The following DLGAP2 variants were observed in gnomAD, a reference collection of about 807,000 sequenced individuals.
DLGAP2 encodes DLG associated protein 2.
A neutral mutation model predicts 100.3 loss-of-function variants in DLGAP2; 26 were observed. That is an observed-to-expected ratio of 0.26 (90% CI 0.19 to 0.36). DLGAP2 has a LOEUF of 0.36. DLGAP2 is among the 10% of genes least tolerant of loss of function. The pLI, the probability that DLGAP2 is intolerant of heterozygous loss-of-function variation, is 1.00. For missense variants in DLGAP2, 1,858 were observed against 1,453.2 expected (o/e 1.28, Z -4.53); for synonymous variants, 886 against 630.1 (o/e 1.41, Z -6.08).
chr8:1,361,929 AGGTCTCCTGGGAAGAGGT>A (rs1563105667), intron 3 of DLGAP2, among the ~76,000 whole-genome samples: 1 of 152,178 alleles, frequency 6.6e-6, no homozygotes, highest in African/African-American at 2.4e-5. Context: ...CCAGCCTGGC[AGGTCTCCTGGGAAGAGGT>A]GGACACCTCC....
chr8:973,328 C>G (rs985979974), intron 2 of DLGAP2, among the ~76,000 whole-genome samples: 2 of 151,770 alleles, frequency 1.3e-5, no homozygotes, highest in Non-Finnish European at 2.9e-5. Context: ...GGGCGGCTGC[C>G]GGGCGGAGAC....
chr8:985,248 C>T (rs1304831150), intron 2 of DLGAP2, among the ~76,000 whole-genome samples: 1 of 152,206 alleles, frequency 6.6e-6, no homozygotes, highest in African/African-American at 2.4e-5. Context: ...CTCAGCTCTC[C>T]ACACCCACTG....
chr8:1,138,257 G>C (rs532978551), intron 2 of DLGAP2, among the ~76,000 whole-genome samples: 3 of 152,174 alleles, frequency 2.0e-5, no homozygotes, highest in Admixed American at 6.5e-5. Flanking sequence ...TCTAAGCATC[G>C]CAGGAGCCTA....
chr8:1,084,489 C>G (rs1803910057), intron 2 of DLGAP2, among the ~76,000 whole-genome samples: 1 of 152,296 alleles, frequency 6.6e-6, no homozygotes, highest in South Asian at 2.1e-4. Context: ...CAGACTTGCC[C>G]TCCTGTCCGA....
chr8:1,369,941 G>A (rs1490943634), intron 3 of DLGAP2: 2 of 152,388 alleles, frequency 1.3e-5, no homozygotes, highest in South Asian at 4.1e-4. Context: ...CGAGTGTGCA[G>A]AGAACGTATG....
intron 2 of DLGAP2, among the ~76,000 whole-genome samples, chr8:1,130,503 A>G (rs548954223): frequency 6.6e-6 from 1 of 152,268 alleles, no homozygotes; most frequent in African/African-American, 2.4e-5. Flanking sequence ...CTAAAAAGGG[A>G]TGGAGGCTCA....
intron 3 of DLGAP2, among the ~76,000 whole-genome samples, chr8:1,390,717 T>C (rs746577653): frequency 2.0e-5 from 3 of 152,168 alleles, no homozygotes; most frequent in Non-Finnish European, 4.4e-5. Context: ...GGAGGATCTT[T>C]TCATTTGGCG....
chr8:948,349 A>G (rs939231380), intron 2 of DLGAP2, among the ~76,000 whole-genome samples: 1 of 152,176 alleles, frequency 6.6e-6, no homozygotes, highest in African/African-American at 2.4e-5. Context: ...GTGCAGAGGA[A>G]GGAAGAAAGA....
At chr8:963,286 C>T (rs748190296) in intron 2 of DLGAP2, among the ~76,000 whole-genome samples, 2 of 148,520 alleles carry the variant, frequency 1.3e-5, no homozygotes, top group East Asian at 1.9e-4. Context: ...TCAGAAGGCA[C>T]CCTACGTAAG....
chr8:1,160,532 G>GT (rs751997258), intron 2 of DLGAP2, among the ~76,000 whole-genome samples: 2 of 152,220 alleles, frequency 1.3e-5, no homozygotes, highest in African/African-American at 2.4e-5. Flanking sequence ...TGGTCCACGT[G>GT]TTTTTGCTTT....
At chr8:857,671 A>C (rs1317788339) in intron 1 of DLGAP2, among the ~76,000 whole-genome samples, 1 of 152,182 alleles carries the variant, frequency 6.6e-6, no homozygotes, top group African/African-American at 2.4e-5. Context: ...GACACTGGCA[A>C]CACCATCAAG....
At chr8:894,194 A>C (rs1283007705) in intron 1 of DLGAP2, among the ~76,000 whole-genome samples, 1 of 152,146 alleles carries the variant, frequency 6.6e-6, no homozygotes, top group African/African-American at 2.4e-5. Flanking sequence ...ACGCCCCCAG[A>C]GCAGCCTCCC....
chr8:784,386 G>A (rs979706947), intron 1 of DLGAP2, among the ~76,000 whole-genome samples: 2 of 152,288 alleles, frequency 1.3e-5, no homozygotes, highest in African/African-American at 2.4e-5. Context: ...AGAGGAAAAC[G>A]TCTTTTAAGC....
intron 4 of DLGAP2, among the ~76,000 whole-genome samples, chr8:1,516,392 TGAGTGGGTGACTGAGTGAAA>T (rs1800384652): frequency 6.6e-6 from 1 of 151,178 alleles, no homozygotes; most frequent in Non-Finnish European, 1.5e-5. Flanking sequence ...ACTGAGTGAA[TGAGTGGGTGACTGAGTGAAA>T]GAGTGAGTGA....
chr8:808,265 C>T (rs978461963), intron 1 of DLGAP2, among the ~76,000 whole-genome samples: 5 of 152,160 alleles, frequency 3.3e-5, no homozygotes, highest in African/African-American at 4.8e-5. Flanking sequence ...GTGCATGTAG[C>T]GGTGTTTGGT....
chr8:782,955 G>A (rs1166798047), intron 1 of DLGAP2, among the ~76,000 whole-genome samples: 1 of 152,194 alleles, frequency 6.6e-6, no homozygotes, highest in Non-Finnish European at 1.5e-5. Flanking sequence ...ACTGACCCGG[G>A]AAAGCTGGAT....
intron 2 of DLGAP2, among the ~76,000 whole-genome samples, chr8:1,101,069 T>A (rs1804562642): frequency 6.6e-6 from 1 of 152,228 alleles, no homozygotes; most frequent in Non-Finnish European, 1.5e-5. Context: ...AGCCCACGTC[T>A]ACTCCTCAGG....
intron 2 of DLGAP2, among the ~76,000 whole-genome samples, chr8:965,776 C>T (rs957023738): frequency 1.3e-4 from 19 of 144,902 alleles, no homozygotes; most frequent in Admixed American, 4.7e-4. Context: ...GCGCTGCACA[C>T]GGCACTGTTC....
chr8:1,320,022 G>C (rs1396183344), intron 3 of DLGAP2, among the ~76,000 whole-genome samples: 2 of 152,142 alleles, frequency 1.3e-5, no homozygotes, highest in African/African-American at 2.4e-5. Flanking sequence ...CGCACATGAA[G>C]ACGAAAGGTG....
Sources: gnomAD v4.1 joint callset for allele counts (sites outside exome capture counted in the v4.1 genomes callset) on GRCh38, gnomAD v4.1.1 for gene constraint, MANE v1.5 for transcripts, NCBI Gene and HGNC (gene_info 2026-07-23, HGNC 2026-07-21) for gene names.